The following NWD2 variants were observed in gnomAD, a reference collection of about 807,000 sequenced individuals.
NWD2 encodes the protein NACHT and WD repeat domain containing 2.
Under a neutral mutation model 132.7 loss-of-function variants are expected in NWD2, and 37 were observed. The observed-to-expected ratio is 0.28, with a 90% CI of 0.21 to 0.37. The LOEUF is 0.37. Ranked by LOEUF, NWD2 falls within the 10% of genes least tolerant of loss-of-function variation. The pLI is 1.00. For missense variants in NWD2, 1,592 were observed against 2,122.4 expected, an observed-to-expected ratio of 0.75 and a Z score of 4.91; for synonymous variants, 705 against 803.0, an observed-to-expected ratio of 0.88 and a Z score of 2.06.
chr4:37,268,459 A>G (rs1204311700), intron 1 of NWD2, among the ~76,000 whole-genome samples: 1 of 151,934 alleles, frequency 6.6e-6, no homozygotes, highest in East Asian at 1.9e-4. Context: ...ATTCATTGTT[A>G]ACTAATAAAG....
At position 37,447,781 on chromosome 4, in the gene NWD2, A is replaced by G. The variant is rs1334296999; in HGVS notation, c.*564A>G. 2 of 154,832 alleles carry G rather than the reference A, an allele frequency of 1.3e-5. No individual in the cohort carries two copies. The highest frequency in any genetic ancestry group is 2.9e-5 in the Non-Finnish European group (2 of 69,646). 9.6% of individuals were successfully genotyped at this position (154,832 alleles called of 1,614,324 possible). On this transcript the variant is annotated 3_prime_UTR_variant, in exon 7 of 7. Coordinates refer to ENST00000309447, the MANE Select transcript of NWD2 (RefSeq NM_001144990.2). ...TTTCCCGAGAGATATGACCTGAAAC[A>G]TGAGACTGTGGACTGGACTGGGACA... is the stretch of plus-strand genomic sequence containing the variant.
intron 1 of NWD2, among the ~76,000 whole-genome samples, chr4:37,276,616 G>T (rs1315573888): frequency 6.6e-6 from 1 of 151,914 alleles, no homozygotes; most frequent in African/African-American, 2.4e-5. Context: ...TGCTATAAAG[G>T]ATTATAAATC....
At chr4:37,277,995 T>C (rs550492706) in intron 1 of NWD2, among the ~76,000 whole-genome samples, 3 of 152,266 alleles carry the variant, frequency 2.0e-5, no homozygotes, top group Admixed American at 1.3e-4. Context: ...AAGATGTAAG[T>C]ATTTTCTTTA....
At chr4:37,414,548 A>ACC (rs1235113114) in intron 3 of NWD2, among the ~76,000 whole-genome samples, 1 of 152,170 alleles carries the variant, frequency 6.6e-6, no homozygotes, top group Admixed American at 6.5e-5. Context: ...ACTCTGCTAA[A>ACC]GCCATGAATC....
At chr4:37,266,612 A>G (rs1717756852) in intron 1 of NWD2, among the ~76,000 whole-genome samples, 1 of 152,076 alleles carries the variant, frequency 6.6e-6, no homozygotes, top group Non-Finnish European at 1.5e-5. Flanking sequence ...TAGAGATAGG[A>G]AATGTGGAAA....
At position 37,445,045 on chromosome 4, in the gene NWD2, T is replaced by A. The variant is rs2109331555; in HGVS notation, c.3057T>A (p.Ser1019Arg). 1 of 1,551,840 alleles carries A rather than the reference T, an allele frequency of 6.4e-7. No individual in the cohort carries two copies. Among genetic ancestry groups the A allele is most frequent in the African/African-American group, 1.4e-5 (1 of 73,158 alleles). ...TCATCCTGGGCATGAAACTCACCAG[T>A]GATGAAAAGTACCTTGTGGTGGCTA... ...QSVILGMKLT[S>R]DEKYLVVATT... The change falls in exon 7 of 7, where the codon AGT becomes AGA. Residue 1019 changes from serine (S) to arginine (R), a missense_variant. Ser to Arg is a moderately radical substitution (Grantham distance 110, BLOSUM62 -1). Transcript: ENST00000309447. The surrounding 1 kb of genome is among the most constrained non-coding windows in gnomAD (Gnocchi z 4.7).
chr4:37,426,744 A>G (rs780329083), intron 3 of NWD2, among the ~76,000 whole-genome samples: 2 of 152,078 alleles, frequency 1.3e-5, no homozygotes, highest in South Asian at 2.1e-4. Flanking sequence ...TGTTCTTTCC[A>G]TCTGAGAATG....
intron 1 of NWD2, among the ~76,000 whole-genome samples, chr4:37,273,609 C>T (rs902778839): frequency 2.6e-5 from 4 of 152,112 alleles, no homozygotes; most frequent in African/African-American, 9.7e-5. Context: ...ACTCTCCATC[C>T]CAAATCAACA....
At position 37,444,666 on chromosome 4, in the gene NWD2, C is replaced by A; in HGVS notation, c.2678C>A (p.Ala893Asp). 1 of 1,552,194 alleles carries A rather than the reference C, an allele frequency of 6.4e-7. No individual in the cohort carries two copies. Among genetic ancestry groups the A allele is most frequent in the Non-Finnish European group, 8.7e-7 (1 of 1,147,116 alleles). The change falls in exon 7 of 7, where the codon GCC (alanine) becomes GAC (aspartate). Residue 893 changes from alanine (A) to aspartate (D), a missense_variant. Ala to Asp is a moderately radical substitution (Grantham distance 126). Transcript: ENST00000309447. This position sits in a 1 kb window ranked among gnomAD's most constrained non-coding sequence, Gnocchi z 4.8. Reference protein sequence around the residue: ...YSQEKELKFLANTLRSIKNKV... With the variant: ...YSQEKELKFLDNTLRSIKNKV... ...CAAGAGAAGGAGCTGAAGTTCCTGG[C>A]CAACACCCTCCGCAGCATCAAAAAC...
chr4:37,350,113 G>A (rs545650793), intron 2 of NWD2, among the ~76,000 whole-genome samples: 115 of 152,304 alleles, frequency 7.6e-4, no homozygotes, highest in Middle Eastern at 3.4e-3. Context: ...TTGAAGTCAG[G>A]TAGTGCAATG....
chr4:37,339,191 C>T (rs1719470786), intron 2 of NWD2, among the ~76,000 whole-genome samples: 1 of 152,274 alleles, frequency 6.6e-6, no homozygotes, highest in South Asian at 2.1e-4. Flanking sequence ...ATCCTTCTCC[C>T]ATCCATGTGA....
intron 3 of NWD2, among the ~76,000 whole-genome samples, chr4:37,371,142 A>G (rs1720221275): frequency 7.0e-6 from 1 of 143,080 alleles, no homozygotes; most frequent in South Asian, 2.2e-4. Context: ...CAGTGGTGCA[A>G]TCTCGGCTCA....
intron 3 of NWD2, among the ~76,000 whole-genome samples, chr4:37,400,952 G>T (rs1720885237): frequency 6.6e-6 from 1 of 152,146 alleles, no homozygotes; most frequent in Admixed American, 6.5e-5. Context: ...TGGAAAGCAG[G>T]ATTATTAAGC....
intron 2 of NWD2, 94 bp from the exon 3 acceptor site, chr4:37,356,272 G>T (rs1203500001): frequency 3.2e-6 from 2 of 620,352 alleles, no homozygotes; most frequent in Non-Finnish European, 5.4e-6. Flanking sequence ...AAAACATGCT[G>T]CAAAGAGAAA....
At chr4:37,408,875 A>G (rs1206047918) in intron 3 of NWD2, among the ~76,000 whole-genome samples, 1 of 152,154 alleles carries the variant, frequency 6.6e-6, no homozygotes, top group Non-Finnish European at 1.5e-5. Context: ...CACTAGTGAT[A>G]CCCAGGCAAA....
In NWD2 at chr4:37,444,337, T is replaced by G. The variant is rs1211054696; in HGVS notation, c.2349T>G (p.Asn783Lys). 1 of 1,551,892 alleles carries G rather than the reference T, an allele frequency of 6.4e-7. No homozygotes were observed. The highest frequency in any genetic ancestry group is 8.7e-7 in the Non-Finnish European group (1 of 1,147,046). Reference protein sequence around the residue: ...KAFCLEDPYLNGCLDLENRSL... With the variant: ...KAFCLEDPYLKGCLDLENRSL... The stretch of plus-strand genomic sequence containing the variant: ...TCTGCCTTGAGGACCCCTACTTGAA[T>G]GGCTGCCTTGACTTGGAGAACAGAA... The change falls in exon 7 of 7, where the codon AAT becomes AAG. Residue 783 changes from asparagine to lysine, a missense_variant. Physicochemically the swap from Asn to Lys is moderately conservative, Grantham distance 94. Coordinates refer to ENST00000309447, the MANE Select transcript of NWD2 (RefSeq NM_001144990.2). This position sits in a 1 kb window ranked among gnomAD's most constrained non-coding sequence, Gnocchi z 4.8.
chr4:37,352,168 G>A (rs139901424), intron 2 of NWD2, among the ~76,000 whole-genome samples: 1 of 152,292 alleles, frequency 6.6e-6, no homozygotes, highest in African/African-American at 2.4e-5. Flanking sequence ...GATTTGGGGT[G>A]GAGAGTTCTG....
chr4:37,421,800 C>T (rs1711816678), intron 3 of NWD2, among the ~76,000 whole-genome samples: 1 of 152,176 alleles, frequency 6.6e-6, no homozygotes, highest in African/African-American at 2.4e-5. Context: ...TTAGTCAGTT[C>T]AGGCCACAAG....
chr4:37,317,033 C>T (rs888046783), intron 1 of NWD2, among the ~76,000 whole-genome samples: 2 of 152,122 alleles, frequency 1.3e-5, no homozygotes, highest in African/African-American at 4.8e-5. Flanking sequence ...TTAAGCCTGA[C>T]TTCTTATGGG....
Sources: allele counts gnomAD v4.1 joint callset (sites outside exome capture counted in the v4.1 genomes callset), GRCh38; gene constraint gnomAD v4.1.1; non-coding constraint Gnocchi (gnomAD v3.1); transcripts MANE v1.5; gene names NCBI Gene and HGNC (gene_info 2026-07-23, HGNC 2026-07-21).